AFG1L: variants seen among roughly 807,000 people sequenced by gnomAD.
AFG1L encodes AFG1-like ATPase.
A neutral mutation model predicts 62.2 loss-of-function variants in AFG1L; 53 were observed. The ratio of observed to expected loss-of-function variants is 0.85; its 90% confidence interval spans 0.68 to 1.07. The LOEUF (loss-of-function observed/expected upper bound fraction) is 1.07. AFG1L is among the 50% of genes least tolerant of loss of function. The pLI is 0.00. For synonymous variants in AFG1L, 228 were observed against 210.3 expected, an observed-to-expected ratio of 1.08 and a Z score of -0.73; for missense variants, 555 against 590.5, an observed-to-expected ratio of 0.94 and a Z score of 0.62.
At chr6:108,453,930 T>C (rs1772156367) in intron 8 of AFG1L, among the ~76,000 whole-genome samples, 1 of 152,228 alleles carries the variant, frequency 6.6e-6, no homozygotes, top group Non-Finnish European at 1.5e-5. Context: ...GAAGAACCTC[T>C]GAAACATTCA....
intron 2 of AFG1L, among the ~76,000 whole-genome samples, chr6:108,330,082 C>T (rs1278883318): frequency 1.3e-5 from 2 of 152,232 alleles, no homozygotes; most frequent in Non-Finnish European, 2.9e-5. Flanking sequence ...ATCTGGGGCT[C>T]TGCAGAGAGT....
intron 7 of AFG1L, among the ~76,000 whole-genome samples, chr6:108,411,205 G>T (rs191655287): frequency 5.3e-5 from 8 of 152,324 alleles, no homozygotes; most frequent in African/African-American, 1.7e-4. Context: ...TGGCAGCGAG[G>T]CTGGGGGAGG....
At position 108,523,290 on chromosome 6, in the gene AFG1L, C is replaced by G. The variant is rs1049758427; in HGVS notation, c.*865C>G. 1.3e-5 allele frequency: 2 copies of G among 152,336 alleles called. No individual in the cohort carries two copies. The highest frequency in any genetic ancestry group is 2.9e-5 in the Non-Finnish European group (2 of 68,140). 9.4% of individuals were successfully genotyped at this position (152,336 alleles called of 1,614,324 possible). The stretch of plus-strand genomic sequence containing the variant: ...TCCTTCTCACTGTTGTAGACACTTG[C>G]TCTCCTTGCAGCATGCTGCCCCCGC... On this transcript the variant is annotated 3_prime_UTR_variant, in exon 13 of 13. Transcript: ENST00000368977.
intron 3 of AFG1L, among the ~76,000 whole-genome samples, chr6:108,347,258 C>T (rs554239325): frequency 6.6e-6 from 1 of 152,156 alleles, no homozygotes; most frequent in Admixed American, 6.5e-5. Context: ...GAATTAGTCA[C>T]CATGTTAGGG....
chr6:108,498,249 C>T (rs1213170411), intron 10 of AFG1L, among the ~76,000 whole-genome samples: 1 of 152,286 alleles, frequency 6.6e-6, no homozygotes, highest in East Asian at 1.9e-4. Flanking sequence ...ATAGACTCCA[C>T]GTCACAATGC....
chr6:108,437,387 C>T (rs935146358), intron 7 of AFG1L, among the ~76,000 whole-genome samples: 9 of 152,062 alleles, frequency 5.9e-5, no homozygotes, highest in Admixed American at 1.3e-4. Flanking sequence ...TGAGAGAGAG[C>T]GGGGAAATCA....
At chr6:108,519,573 G>C (rs557582921) in intron 11 of AFG1L, 124 bp from the exon 12 acceptor site, 10 of 596,558 alleles carry the variant, frequency 1.7e-5, no homozygotes, top group African/African-American at 1.5e-4. Context: ...AAAAATGGAC[G>C]TCTTAAAAGC....
At position 108,354,459 on chromosome 6, in the gene AFG1L, C is replaced by A. The variant is rs534360781; in HGVS notation, c.416-1195C>A. Among the ~76,000 whole-genome samples the A allele has an allele frequency of 5.3e-5, 8 of 152,246 alleles. No individual in the cohort carries two copies. The East Asian group carries it at 1.5e-3, about 29-fold the overall frequency. The stretch of plus-strand genomic sequence containing the variant: ...AGTTGGGATTACAGGCACCCACCAC[C>A]ATGCCCAGCTAATTTTTGTACTTTT... On this transcript the variant is annotated intron_variant, in intron 3 of 12. Coordinates refer to ENST00000368977, the MANE Select transcript of AFG1L (RefSeq NM_145315.5).
chr6:108,350,686 C>G (rs1779046603), intron 3 of AFG1L, among the ~76,000 whole-genome samples: 1 of 152,196 alleles, frequency 6.6e-6, no homozygotes, highest in Admixed American at 6.5e-5. Context: ...AGCCTCAGCT[C>G]TTGACCAGCT....
In AFG1L at chr6:108,477,280, G is replaced by T; in HGVS notation, c.1050G>T (p.Glu350Asp). Residue 350 changes from glutamate (E) to aspartate (D), a missense_variant, in exon 10 of 13, where the codon GAG becomes GAT. Coordinates refer to ENST00000368977, the MANE Select transcript of AFG1L (RefSeq NM_145315.5). ...CGTVADCTFE[E>D]LCERPLGASD... Reference sequence around the variant, plus strand: ...CCGTTGCCGACTGCACATTTGAAGAGCTGTGTGAGAGAGTAAGTATCCAGG... The same window carrying T: ...CCGTTGCCGACTGCACATTTGAAGATCTGTGTGAGAGAGTAAGTATCCAGG... The T allele has an allele frequency of 6.2e-7, 1 of 1,605,802 alleles. No homozygotes were observed. Among genetic ancestry groups the T allele is most frequent in the Non-Finnish European group, 8.5e-7 (1 of 1,174,118 alleles).
chr6:108,444,056 C>CTAT (rs1472840252), intron 7 of AFG1L, among the ~76,000 whole-genome samples: 55 of 137,706 alleles, frequency 4.0e-4, no homozygotes, highest in South Asian at 1.9e-3. Flanking sequence ...TGAATATCTC[C>CTAT]CATCTATCTA....
chr6:108,310,910 T>A (rs1468383056), intron 1 of AFG1L, among the ~76,000 whole-genome samples: 1 of 152,218 alleles, frequency 6.6e-6, no homozygotes, highest in Admixed American at 6.5e-5. Context: ...GAATTCTTAT[T>A]GTAACGGTGA....
intron 6 of AFG1L, among the ~76,000 whole-genome samples, chr6:108,390,110 C>T (rs934449225): frequency 9.9e-5 from 15 of 152,002 alleles, no homozygotes; most frequent in African/African-American, 3.6e-4. Flanking sequence ...CTTCTCTTCT[C>T]GCTTCATTTC....
At chr6:108,459,838 G>A (rs1441112616) in intron 8 of AFG1L, among the ~76,000 whole-genome samples, 1 of 152,098 alleles carries the variant, frequency 6.6e-6, no homozygotes, top group Non-Finnish European at 1.5e-5. Context: ...AAATATAGGG[G>A]CAATGGAATA....
Position 108,386,446 on chromosome 6 carries a change from A to G in AFG1L, c.749-15550A>G, listed in dbSNP as rs149048502. Reference sequence around the variant, plus strand: ...ATTGCACTCCAGCTTAGACAACAAGAGCAAAACTCCATCTCAAAAAAAAAA... The same window carrying G: ...ATTGCACTCCAGCTTAGACAACAAGGGCAAAACTCCATCTCAAAAAAAAAA... On this transcript the variant is annotated intron_variant, in intron 6 of 12. Coordinates refer to ENST00000368977, the MANE Select transcript of AFG1L (RefSeq NM_145315.5). Among the ~76,000 whole-genome samples, 636 of 152,048 alleles carry G rather than the reference A, an allele frequency of 4.2e-3. 5 individuals carry two copies. Among genetic ancestry groups the G allele is most frequent in the African/African-American group, 0.014 (562 of 41,472 alleles).
At chr6:108,433,497 G>A (rs1771172209) in intron 7 of AFG1L, among the ~76,000 whole-genome samples, 1 of 151,958 alleles carries the variant, frequency 6.6e-6, no homozygotes, top group African/African-American at 2.4e-5. Flanking sequence ...GTGTTGGCCA[G>A]GCTGGTCTCG....
chr6:108,487,160 GC>G (rs1030518102), intron 10 of AFG1L, among the ~76,000 whole-genome samples: 4 of 152,222 alleles, frequency 2.6e-5, no homozygotes, highest in African/African-American at 9.6e-5. Context: ...GTAGAAAGAG[GC>G]CCAACTGAGT....
chr6:108,440,256 C>T (rs1771482339), intron 7 of AFG1L, among the ~76,000 whole-genome samples: 1 of 152,006 alleles, frequency 6.6e-6, no homozygotes, highest in Non-Finnish European at 1.5e-5. Context: ...GCAACCTCCA[C>T]CTCCCAGGTT....
intron 7 of AFG1L, among the ~76,000 whole-genome samples, chr6:108,430,654 T>C (rs1180224949): frequency 2.0e-5 from 3 of 152,190 alleles, no homozygotes; most frequent in African/African-American, 7.2e-5. Flanking sequence ...AAGAATCTTA[T>C]CTTTAAAGCT....
Sources: allele counts gnomAD v4.1 joint callset (sites outside exome capture counted in the v4.1 genomes callset), GRCh38; gene constraint gnomAD v4.1.1; transcripts MANE v1.5; gene names NCBI Gene and HGNC (gene_info 2026-07-23, HGNC 2026-07-21).